Variants in HECW2 observed in about 807,000 individuals in gnomAD.
HECW2 encodes HECT, C2 and WW domain containing E3 ubiquitin protein ligase 2.
Under a neutral mutation model 175.2 loss-of-function variants are expected in HECW2, and 61 were observed. That is an observed-to-expected ratio of 0.35 (90% CI 0.28 to 0.43). The LOEUF is 0.43. HECW2 is among the 20% of genes least tolerant of loss of function. HECW2 has a pLI of 1.00. For synonymous variants in HECW2, 671 were observed against 731.0 expected (o/e 0.92, Z 1.32); for missense variants, 1,524 against 2,000.5 (o/e 0.76, Z 4.54).
chr2:196,198,093 T>C lies in HECW2; in HGVS notation c.*3184A>G, dbSNP rs1686745929. 4 of 152,148 alleles carry C rather than the reference T, an allele frequency of 2.6e-5. No individual in the cohort carries two copies. The highest frequency in any genetic ancestry group is 7.2e-5 in the African/African-American group (3 of 41,434). The allele number at this position is 152,148 out of a possible 1,614,324, so 9.4% of individuals were successfully genotyped here. On this transcript the variant is annotated 3_prime_UTR_variant, in exon 29 of 29. Transcript: ENST00000644978. ...CCCAGAAGTGGTTTGGGCTCAGGGA[T>C]TGGGATTTTTCACACTGAAAACCAA...
chr2:196,222,470 G>T, intron 23 of HECW2, 130 bp from the exon 24 acceptor site: 2 of 795,580 alleles, frequency 2.5e-6, no homozygotes, highest in African/African-American at 1.8e-5. Context: ...TTTCTGGAAT[G>T]TTCTTAGTCC....
At chr2:196,314,577 A>T (rs897811828) in intron 10 of HECW2, among the ~76,000 whole-genome samples, 1 of 152,216 alleles carries the variant, frequency 6.6e-6, no homozygotes, top group African/African-American at 2.4e-5. Flanking sequence ...AGTTTCTGCA[A>T]CTATAAAATA....
Position 196,318,723 on chromosome 2 carries a change from C to A in HECW2, c.2167G>T (p.Glu723Ter). 1 of 1,554,640 alleles carries A rather than the reference C, an allele frequency of 6.4e-7. No homozygotes were observed. ...PSGEDEGPGA[E>*]SATVPDQEEL... is the part of the protein sequence containing the mutation. The stretch of plus-strand genomic sequence containing the variant: ...TCCTGGTCAGGTACAGTGGCCGATT[C>A]TGCCCCTGGCCCTTCATCCTCCCCA... Residue 723 changes from glutamate to a stop codon, truncating the protein, a stop_gained, in exon 9 of 29, where the codon GAA (glutamate) becomes TAA (stop). Coordinates refer to ENST00000644978, the MANE Select transcript of HECW2 (RefSeq NM_001348768.2). LOFTEE classifies it high-confidence loss of function.
chr2:196,313,777 C>T (rs1691587918), intron 10 of HECW2, among the ~76,000 whole-genome samples: 1 of 152,142 alleles, frequency 6.6e-6, no homozygotes, highest in Non-Finnish European at 1.5e-5. Context: ...CAAAGCCAGA[C>T]ACAGTGGCTC....
intron 2 of HECW2, among the ~76,000 whole-genome samples, chr2:196,350,013 G>A (rs1693113291): frequency 6.6e-6 from 1 of 152,112 alleles, no homozygotes; most frequent in South Asian, 2.1e-4. Flanking sequence ...TGATCCTCCA[G>A]GGCAACGAAT....
At chr2:196,471,827 AAGG>A (rs1697207767) in intron 1 of HECW2, among the ~76,000 whole-genome samples, 1 of 152,150 alleles carries the variant, frequency 6.6e-6, no homozygotes, top group African/African-American at 2.4e-5. Flanking sequence ...CAGTGGAAGA[AAGG>A]AGGAGGGAGA....
intron 13 of HECW2, among the ~76,000 whole-genome samples, chr2:196,303,808 T>C (rs1691159415): frequency 6.6e-6 from 1 of 152,190 alleles, no homozygotes; most frequent in African/African-American, 2.4e-5. Flanking sequence ...CTTTTCTACT[T>C]TATTAGTCTA....
At chr2:196,242,428 G>A in intron 19 of HECW2, 1 of 539,308 alleles carries the variant, frequency 1.9e-6, no homozygotes, top group East Asian at 3.2e-5. Flanking sequence ...AATTCTGTTT[G>A]AATAGTTACA....
At chr2:196,245,932 A>C (rs1408506773) in intron 19 of HECW2, among the ~76,000 whole-genome samples, 1 of 152,206 alleles carries the variant, frequency 6.6e-6, no homozygotes, top group African/African-American at 2.4e-5. Context: ...AAAATGTGTA[A>C]AGACCCAGAA....
intron 1 of HECW2, among the ~76,000 whole-genome samples, chr2:196,537,109 C>G (rs576213353): frequency 1.1e-4 from 16 of 152,274 alleles, no homozygotes; most frequent in Non-Finnish European, 1.3e-4. Context: ...CCCTCCATAT[C>G]TCAGGCCTCC....
At position 196,201,137 on chromosome 2, in the gene HECW2, A is replaced by G; in HGVS notation, c.*140T>C. On this transcript the variant is annotated 3_prime_UTR_variant, in exon 29 of 29. Transcript: ENST00000644978. ...CATCTCCAGTCCCCAAATGTGACAG[A>G]GCACTTGTTCCTGGAAAACAACAGC... 1.6e-6 allele frequency: 1 copy of G among 641,250 alleles called. No individual in the cohort carries two copies. The highest frequency in any genetic ancestry group is 2.9e-6 in the Non-Finnish European group (1 of 349,934). The allele number at this position is 641,250 out of a possible 1,614,324, so 39.7% of individuals were successfully genotyped here. A position where few individuals can be genotyped will look rare whatever the true frequency, so the allele number is the denominator to read the frequency against.
In HECW2 at chr2:196,275,383, A is replaced by G. The variant is rs192567722; in HGVS notation, c.3136-1260T>C. Among the ~76,000 whole-genome samples, 4 of 152,336 alleles carry G rather than the reference A, an allele frequency of 2.6e-5. No homozygotes were observed. In the East Asian group the frequency reaches 7.7e-4, roughly 29 times the overall value. ...TCTTTCCCAACTATTAAAAAAGAAA[A>G]TTTACAAAGCATTTTTCGTTCATAT... is the stretch of plus-strand genomic sequence containing the variant. On this transcript the variant is annotated intron_variant, in intron 15 of 28. Coordinates refer to ENST00000644978, the MANE Select transcript of HECW2 (RefSeq NM_001348768.2).
At chr2:196,280,231 C>T (rs747566627) in intron 14 of HECW2, among the ~76,000 whole-genome samples, 2 of 152,108 alleles carry the variant, frequency 1.3e-5, no homozygotes, top group African/African-American at 2.4e-5. Flanking sequence ...TGATGTATGC[C>T]AAATAACAGG....
intron 2 of HECW2, among the ~76,000 whole-genome samples, chr2:196,392,886 G>A (rs995018812): frequency 6.6e-5 from 10 of 152,080 alleles, no homozygotes; most frequent in African/African-American, 1.7e-4. Context: ...GAGGCATCAC[G>A]CTACCTGACT....
intron 1 of HECW2, among the ~76,000 whole-genome samples, chr2:196,484,713 CT>C (rs1412646936): frequency 6.6e-6 from 1 of 152,146 alleles, no homozygotes; most frequent in Non-Finnish European, 1.5e-5. Context: ...CATTCACCCC[CT>C]AATACACCCC....
Position 196,199,941 on chromosome 2 carries a change from G to A in HECW2, c.*1336C>T, listed in dbSNP as rs981545928. ...TTCAATTTGTGGTGTCTTCACTGAT[G>A]AGGGAAAATGGAATTCTTACTACTG... On this transcript the variant is annotated 3_prime_UTR_variant, in exon 29 of 29. Coordinates refer to ENST00000644978, the MANE Select transcript of HECW2 (RefSeq NM_001348768.2). 8.5e-5 allele frequency: 13 copies of A among 152,574 alleles called. No homozygotes were observed. The highest frequency in any genetic ancestry group is 3.1e-4 in the African/African-American group (13 of 41,436). 9.5% of individuals were successfully genotyped at this position (152,574 alleles called of 1,614,324 possible).
rs541851555 is a variant in HECW2, at chr2:196,501,903, C to G, written c.-35-68445G>C. On this transcript the variant is annotated intron_variant, in intron 1 of 28. Coordinates refer to ENST00000644978, the MANE Select transcript of HECW2 (RefSeq NM_001348768.2). ...ATATAATATTTTCCTAAGCCTTCATCTATCATTTATTCCCAAAAAGGAAAA... is the reference window on the plus strand; with the variant it reads ...ATATAATATTTTCCTAAGCCTTCATGTATCATTTATTCCCAAAAAGGAAAA... Among the ~76,000 whole-genome samples the G allele has an allele frequency of 3.1e-4, 47 of 152,290 alleles. 1 individual carries two copies. The South Asian group carries it at 9.8e-3, about 32-fold the overall frequency.
chr2:196,542,106 A>G (rs899138730), intron 1 of HECW2, among the ~76,000 whole-genome samples: 1 of 152,020 alleles, frequency 6.6e-6, no homozygotes, highest in Non-Finnish European at 1.5e-5. Flanking sequence ...TACTAAAAAA[A>G]TACAAAAATT....
intron 10 of HECW2, among the ~76,000 whole-genome samples, chr2:196,308,313 T>C (rs901467870): frequency 1.3e-5 from 2 of 152,220 alleles, no homozygotes; most frequent in African/African-American, 4.8e-5. Flanking sequence ...TAAATAATCT[T>C]TAAATGTAGA....
Sources: allele counts gnomAD v4.1 joint callset (sites outside exome capture counted in the v4.1 genomes callset), GRCh38; gene constraint gnomAD v4.1.1; transcripts MANE v1.5; gene names NCBI Gene and HGNC (gene_info 2026-07-23, HGNC 2026-07-21).